Variants in ZNF761 observed in about 807,000 individuals in gnomAD.
ZNF761 encodes the protein zinc finger protein 761.
A neutral mutation model predicts 59.9 loss-of-function variants in ZNF761; 43 were observed. The ratio of observed to expected loss-of-function variants is 0.72; its 90% confidence interval spans 0.56 to 0.92. ZNF761 has a LOEUF of 0.92. Among genes scored for constraint, ZNF761 ranks in the 40% least tolerant of loss-of-function variants. The pLI is 0.00. For synonymous variants in ZNF761, 294 were observed against 304.8 expected (o/e 0.96, Z 0.37); for missense variants, 850 against 906.1 (o/e 0.94, Z 0.79).
chr19:53,447,016 T>C (rs976025042), intron 2 of ZNF761, 180 bp from the exon 3 acceptor site: 1 of 371,156 alleles, frequency 2.7e-6, no homozygotes, highest in South Asian at 3.1e-5. Flanking sequence ...TTGCAGCGTG[T>C]GTGTGGGCTC....
intron 4 of ZNF761, among the ~76,000 whole-genome samples, 176 bp from the exon 5 acceptor site, chr19:53,454,474 G>A (rs965187101): frequency 1.3e-5 from 2 of 152,126 alleles, no homozygotes; most frequent in Non-Finnish European, 2.9e-5. Flanking sequence ...ATAATTTGAA[G>A]CACATGTAAT....
intron 3 of ZNF761, among the ~76,000 whole-genome samples, 185 bp downstream of exon 3, chr19:53,447,468 CT>C (rs1162018899): frequency 6.6e-6 from 1 of 152,072 alleles, no homozygotes; most frequent in Non-Finnish European, 1.5e-5. Flanking sequence ...GTGAGATGAA[CT>C]TGGGAAGAGG....
At chr19:53,439,337 G>C (rs1207809421) in intron 1 of ZNF761, among the ~76,000 whole-genome samples, 1 of 150,904 alleles carries the variant, frequency 6.6e-6, no homozygotes. Context: ...ATGGAGTCTT[G>C]CTCTGTCACC....
intron 1 of ZNF761, among the ~76,000 whole-genome samples, chr19:53,439,028 C>G (rs959523639): frequency 6.6e-6 from 1 of 152,080 alleles, no homozygotes; most frequent in Non-Finnish European, 1.5e-5. Context: ...CATCCCAACA[C>G]TTTGGGCGGC....
At chr19:53,437,326 A>AAAG (rs56331766) in intron 1 of ZNF761, among the ~76,000 whole-genome samples, 107,131 of 150,430 alleles carry the variant, frequency 0.71, 38,644 homozygotes, top group Non-Finnish European at 0.77. Context: ...TCAAAAAAAA[A>AAAG]AAAAGAAAAA....
intron 3 of ZNF761, among the ~76,000 whole-genome samples, chr19:53,448,419 T>C (rs2086183538): frequency 6.6e-6 from 1 of 152,190 alleles, no homozygotes; most frequent in Non-Finnish European, 1.5e-5. Context: ...ATAATGCATC[T>C]CCTTTCCCTG....
At position 53,457,365 on chromosome 19, in the gene ZNF761, A is replaced by T; in HGVS notation, c.*617A>T. 1 of 403,564 alleles carries T rather than the reference A, an allele frequency of 2.5e-6. No homozygotes were observed. Among genetic ancestry groups the T allele is most frequent in the South Asian group, 2.0e-5 (1 of 51,076 alleles). The allele number at this position is 403,564 out of a possible 1,614,324, so 25.0% of individuals were successfully genotyped here. A position where few individuals can be genotyped will look rare whatever the true frequency, so the allele number is the denominator to read the frequency against. On this transcript the variant is annotated 3_prime_UTR_variant, in exon 5 of 5. Transcript: ENST00000684525. ...GTGGCAAGGTCTTCAGTCAAGCTTC[A>T]TCCTATGCAAAACATAGGAGAATTC...
Position 53,455,350 on chromosome 19 carries a change from G to A in ZNF761, c.843G>A (p.Gln281=). 3 of 1,612,298 alleles carry A rather than the reference G, an allele frequency of 1.9e-6. No homozygotes were observed. The South Asian group carries it at 3.3e-5, about 18-fold the overall frequency. ...KCNECGKTFS[Q]TSSLTCHRRL... ...ATGAGTGTGGCAAGACCTTCAGTCAGACGTCATCCCTTACATGCCATCGTA... is the reference window on the plus strand; with the variant it reads ...ATGAGTGTGGCAAGACCTTCAGTCAAACGTCATCCCTTACATGCCATCGTA... Residue 281 remains glutamine, a synonymous_variant, in exon 5 of 5, where the codon CAG becomes CAA. Transcript: ENST00000684525.
At chr19:53,447,153 C>G (rs1300467838) in intron 2 of ZNF761, 43 bp from the exon 3 acceptor site, 1 of 1,331,636 alleles carries the variant, frequency 7.5e-7, no homozygotes, top group Admixed American at 1.9e-5. Context: ...ACGGAGGTGG[C>G]GTGTTGATTC....
intron 4 of ZNF761, chr19:53,450,474 C>T (rs1160888513): frequency 2.0e-5 from 3 of 152,048 alleles, no homozygotes; most frequent in Non-Finnish European, 4.4e-5. Flanking sequence ...GAAGACCTTA[C>T]CCTTGTGATT....
chr19:53,449,298 C>T (rs1235050814), intron 3 of ZNF761, among the ~76,000 whole-genome samples: 2 of 151,954 alleles, frequency 1.3e-5, no homozygotes, highest in South Asian at 2.1e-4. Flanking sequence ...CCAGTGCACT[C>T]CAGCCTGGGT....
rs752391056 is a variant in ZNF761 at position 53,454,697 on chromosome 19, G to A, written c.190G>A (p.Gly64Ser). 2 of 1,612,256 alleles carry A rather than the reference G, an allele frequency of 1.2e-6. No homozygotes were observed. The highest frequency in any genetic ancestry group is 1.7e-6 in the Non-Finnish European group (2 of 1,178,954). ...GAAGGAGTTCTTGTCAACAGCGCAA[G>A]GCAACAGAGAAGTGTTCCATGCAGG... The part of the protein sequence containing the change: ...TMKEFLSTAQ[G>S]NREVFHAGTL... Residue 64 changes from glycine (G) to serine (S), a missense_variant, in exon 5 of 5, where the codon GGC becomes AGC. By Grantham distance (56) the Gly-to-Ser change is moderately conservative. Transcript: ENST00000684525.
intron 1 of ZNF761, among the ~76,000 whole-genome samples, chr19:53,432,614 C>T (rs948426280): frequency 6.6e-6 from 1 of 152,146 alleles, no homozygotes; most frequent in Non-Finnish European, 1.5e-5. Flanking sequence ...AAAATGCGCT[C>T]CCCCGGGATG....
chr19:53,455,709 G>A lies in ZNF761; in HGVS notation c.1202G>A (p.Arg401His), dbSNP rs150769300. Residue 401 changes from arginine (R) to histidine (H), a missense_variant, in exon 5 of 5, where the codon CGT becomes CAT. Coordinates refer to ENST00000684525, the MANE Select transcript of ZNF761 (RefSeq NM_001289951.2). ...CACAAGTCATCCCTTACATGCCATC[G>A]TAGACTTCATACTGGAGAGAAACCT... is the stretch of plus-strand genomic sequence containing the variant. ...FSHKSSLTCH[R>H]RLHTGEKPYK... is the part of the protein sequence containing the mutation. 1.7e-3 allele frequency: 2,661 copies of A among 1,611,380 alleles called. 44 individuals are homozygous for A. The African/African-American group carries it at 0.032, about 19-fold the overall frequency.
chr19:53,440,138 G>A (rs1422332789), intron 1 of ZNF761, among the ~76,000 whole-genome samples: 1 of 123,818 alleles, frequency 8.1e-6, no homozygotes, highest in South Asian at 2.6e-4. Flanking sequence ...GCAACATAGT[G>A]AGACCCCCCC....
rs150424972 is a variant in ZNF761, at chr19:53,440,609, G to T, written c.-184-5618G>T. Among the ~76,000 whole-genome samples, 1,128 of 152,084 alleles carry T rather than the reference G, an allele frequency of 7.4e-3. 13 individuals carry two copies. Among genetic ancestry groups the T allele is most frequent in the African/African-American group, 0.026 (1,076 of 41,472 alleles). On this transcript the variant is annotated intron_variant, in intron 1 of 4. Coordinates refer to ENST00000684525, the MANE Select transcript of ZNF761 (RefSeq NM_001289951.2). Reference sequence around the variant, plus strand: ...ACTCTGTTCCCTTTTTGCAGGATGGGGTAGGAAGTGGGGCAATGAAGTGGG... The same window carrying T: ...ACTCTGTTCCCTTTTTGCAGGATGGTGTAGGAAGTGGGGCAATGAAGTGGG...
rs906858547 is a variant in ZNF761 at position 53,447,194 on chromosome 19, A to G, written c.-73-2A>G. 13 of 1,566,448 alleles carry G rather than the reference A, an allele frequency of 8.3e-6. 1 individual carries two copies. The Admixed American group carries it at 2.1e-4, about 25-fold the overall frequency. ...AATAAACAACATATTTCTAACATTC[A>G]GGATTGACTTCTAAAGACTCTTGGT... On this transcript the variant is annotated splice_acceptor_variant, in intron 2 of 4. Transcript: ENST00000684525. LOFTEE classifies it low-confidence loss of function (5UTR_SPLICE).
At chr19:53,440,230 A>G (rs112069805) in intron 1 of ZNF761, among the ~76,000 whole-genome samples, 2,113 of 152,216 alleles carry the variant, frequency 0.014, 53 homozygotes, top group African/African-American at 0.048. Context: ...TCTGGAGGCC[A>G]AGGCAGGAAG....
At chr19:53,442,584 T>C (rs17855120) in intron 1 of ZNF761, 484,778 of 604,964 alleles carry the variant, frequency 0.8, 206,525 homozygotes, top group South Asian at 0.87. Flanking sequence ...GGACCAGACT[T>C]TGCTTGACCT....
Sources: allele counts gnomAD v4.1 joint callset (sites outside exome capture counted in the v4.1 genomes callset), GRCh38; gene constraint gnomAD v4.1.1; transcripts MANE v1.5; gene names NCBI Gene and HGNC (gene_info 2026-07-23, HGNC 2026-07-21).